UBE3C: variants seen among roughly 807,000 people sequenced by gnomAD.
UBE3C encodes the protein ubiquitin protein ligase E3C.
In UBE3C, 42 loss-of-function variants were observed where a neutral mutation model predicts 129.4. The ratio of observed to expected loss-of-function variants is 0.32; its 90% CI spans 0.25 to 0.42. The LOEUF is 0.42. Ranked by LOEUF, UBE3C falls within the 10% of genes least tolerant of loss-of-function variation. UBE3C has a pLI of 1.00. For missense variants in UBE3C, 1,049 were observed against 1,319.1 expected (o/e 0.80, Z 3.17); for synonymous variants, 510 against 492.4 (o/e 1.04, Z -0.47).
intron 14 of UBE3C, among the ~76,000 whole-genome samples, chr7:157,218,878 A>G (rs1162325993): frequency 6.6e-6 from 1 of 152,224 alleles, no homozygotes; most frequent in Non-Finnish European, 1.5e-5. Context: ...GGTGCTAACA[A>G]AACCCTTCGT....
At chr7:157,209,488 A>C (rs1212713660) in intron 13 of UBE3C, among the ~76,000 whole-genome samples, 1 of 152,194 alleles carries the variant, frequency 6.6e-6, no homozygotes, top group African/African-American at 2.4e-5. Flanking sequence ...CAATTTTTCT[A>C]TGTTAAAAAA....
chr7:157,197,659 T>C, intron 10 of UBE3C: 1 of 1,609,874 alleles, frequency 6.2e-7, no homozygotes, highest in Non-Finnish European at 8.5e-7. Flanking sequence ...AGTGTCAGGC[T>C]TTCATCTGTT....
chr7:157,227,118 T>C (rs1245090262), intron 17 of UBE3C, among the ~76,000 whole-genome samples: 1 of 152,240 alleles, frequency 6.6e-6, no homozygotes, highest in Non-Finnish European at 1.5e-5. Flanking sequence ...TAGATGCTTA[T>C]TCAATTTGTG....
intron 13 of UBE3C, among the ~76,000 whole-genome samples, chr7:157,211,058 T>C (rs774026122): frequency 2.6e-5 from 4 of 152,176 alleles, no homozygotes; most frequent in Non-Finnish European, 4.4e-5. Flanking sequence ...TTGAGATGTC[T>C]GTGTGCATCC....
chr7:157,154,703 A>G (rs1034267473), intron 1 of UBE3C, among the ~76,000 whole-genome samples: 1 of 152,318 alleles, frequency 6.6e-6, no homozygotes, highest in South Asian at 2.1e-4. Flanking sequence ...CTTGGCGTAT[A>G]TTGTGATATT....
intron 2 of UBE3C, 24 bp downstream of exon 2, chr7:157,163,887 T>C (rs1210946847): frequency 6.2e-7 from 1 of 1,608,762 alleles, no homozygotes; most frequent in Admixed American, 1.7e-5. Context: ...TGTAATACTC[T>C]GTAGATAAGC....
intron 17 of UBE3C, among the ~76,000 whole-genome samples, chr7:157,227,419 C>T (rs1795908750): frequency 6.6e-6 from 1 of 152,096 alleles, no homozygotes; most frequent in African/African-American, 2.4e-5. Context: ...ACTCCCTGGG[C>T]GTGGCGCAGT....
At chr7:157,237,981 T>C (rs1796196445) in intron 18 of UBE3C, among the ~76,000 whole-genome samples, 1 of 151,388 alleles carries the variant, frequency 6.6e-6, no homozygotes, top group Non-Finnish European at 1.5e-5. Flanking sequence ...GAGCCTGAAA[T>C]GTAGAGGCTG....
At position 157,212,788 on chromosome 7, in the gene UBE3C, G is replaced by C. The variant is rs79320422; in HGVS notation, c.1810-4079G>C. Among the ~76,000 whole-genome samples the C allele has an allele frequency of 1.2e-3, 180 of 152,116 alleles. 1 individual carries two copies. In the East Asian group the frequency reaches 0.025, roughly 21 times the overall value. On this transcript the variant is annotated intron_variant, in intron 13 of 22. Transcript: ENST00000348165. The stretch of plus-strand genomic sequence containing the variant: ...TTTTTTGTTTTTCTTTTTGAGACAG[G>C]GTTTCGTTCTGTTGCCCAAGCTGGA...
chr7:157,164,240 G>T (rs1231551720), intron 2 of UBE3C, among the ~76,000 whole-genome samples: 1 of 151,880 alleles, frequency 6.6e-6, no homozygotes, highest in Admixed American at 6.6e-5. Context: ...GCTCACTGTA[G>T]CCTTGACCTC....
intron 8 of UBE3C, among the ~76,000 whole-genome samples, chr7:157,183,163 A>C (rs35612257): frequency 6.6e-6 from 1 of 152,068 alleles, no homozygotes; most frequent in Admixed American, 6.6e-5. Context: ...GGTATTCTAC[A>C]ATTCAGTTCA....
chr7:157,194,724 T>A (rs912459468), intron 10 of UBE3C, among the ~76,000 whole-genome samples: 1 of 152,216 alleles, frequency 6.6e-6, no homozygotes, highest in Non-Finnish European at 1.5e-5. Context: ...AAATGAGGAA[T>A]ATGTTATTGG....
chr7:157,231,377 A>G (rs1056427020), intron 18 of UBE3C, 50 bp downstream of exon 18: 7 of 1,594,926 alleles, frequency 4.4e-6, no homozygotes, highest in Non-Finnish European at 6.0e-6. Context: ...AGATGTTGAC[A>G]TTTTATGTTT....
At chr7:157,212,256 A>G (rs891169408) in intron 13 of UBE3C, among the ~76,000 whole-genome samples, 1 of 152,180 alleles carries the variant, frequency 6.6e-6, no homozygotes, top group African/African-American at 2.4e-5. Context: ...GATTTTACAT[A>G]TCACATTTAA....
At chr7:157,156,783 TA>T (rs2116836802) in intron 1 of UBE3C, among the ~76,000 whole-genome samples, 1 of 151,888 alleles carries the variant, frequency 6.6e-6, no homozygotes, top group East Asian at 1.9e-4. Context: ...TCCCCCTTAA[TA>T]ATACTCTCGG....
Position 157,201,638 on chromosome 7 carries a change from T to C in UBE3C, c.1332-83T>C, listed in dbSNP as rs1032084333. On this transcript the variant is annotated intron_variant, in intron 10 of 22. Coordinates refer to ENST00000348165, the MANE Select transcript of UBE3C (RefSeq NM_014671.3). ...TGTACGTTGATCTTCAGTGTATCGC[T>C]TTTTTTTTTTTTTTTTTTTTAAGAA... The C allele has an allele frequency of 1.9e-4, 24 of 126,928 alleles. No homozygotes were observed. In the Admixed American group the frequency reaches 2.2e-3, roughly 11 times the overall value. The allele number at this position is 126,928 out of a possible 1,614,324, so 7.9% of individuals were successfully genotyped here.
chr7:157,208,437 T>C (rs1809501155), intron 13 of UBE3C, among the ~76,000 whole-genome samples: 1 of 152,218 alleles, frequency 6.6e-6, no homozygotes. Context: ...GGTAATTTAA[T>C]TAACTAAAAT....
chr7:157,181,413 A>C, intron 6 of UBE3C, 105 bp from the exon 7 acceptor site: 1 of 989,798 alleles, frequency 1.0e-6, no homozygotes, highest in Non-Finnish European at 1.5e-6. Flanking sequence ...GAACTAACTT[A>C]AGTTTGGACC....
intron 18 of UBE3C, among the ~76,000 whole-genome samples, chr7:157,238,221 TAG>T (rs1260472096): frequency 1.3e-5 from 2 of 152,126 alleles, no homozygotes; most frequent in Non-Finnish European, 2.9e-5. Context: ...CGGCAGTAAG[TAG>T]AGTGGTGGAG....
Sources: allele counts gnomAD v4.1 joint callset (sites outside exome capture counted in the v4.1 genomes callset), GRCh38; gene constraint gnomAD v4.1.1; transcripts MANE v1.5; gene names NCBI Gene and HGNC (gene_info 2026-07-23, HGNC 2026-07-21).